NEGR1: variants seen among roughly 807,000 people sequenced by gnomAD.
NEGR1 encodes neuronal growth regulator 1.
In NEGR1, 10 loss-of-function variants were observed where a neutral mutation model predicts 40.9. The observed-to-expected ratio is 0.24, with a 90% CI of 0.15 to 0.42. The LOEUF (loss-of-function observed/expected upper bound fraction) is 0.42, where lower values mean the gene tolerates loss of function less well. NEGR1 is among the 10% of genes least tolerant of loss of function. The pLI is 1.00. For missense variants in NEGR1, 352 were observed against 438.9 expected (o/e 0.80, Z 1.77); for synonymous variants, 185 against 166.8 (o/e 1.11, Z -0.84).
At chr1:71,482,434 G>A (rs1646859936) in intron 6 of NEGR1, among the ~76,000 whole-genome samples, 1 of 151,662 alleles carries the variant, frequency 6.6e-6, no homozygotes, top group South Asian at 2.1e-4. Context: ...TGTTTACCCG[G>A]CTCACAAAAT....
At chr1:72,257,992 C>T (rs1352452519) in intron 1 of NEGR1, among the ~76,000 whole-genome samples, 1 of 151,952 alleles carries the variant, frequency 6.6e-6, no homozygotes, top group Non-Finnish European at 1.5e-5. Flanking sequence ...GTGAAGTGTC[C>T]TAAGTTGAGG....
In NEGR1 at chr1:71,883,740, G is replaced by A. The variant is rs367704286; in HGVS notation, c.409+51339C>T. Among the ~76,000 whole-genome samples the A allele has an allele frequency of 8.8e-3, 821 of 93,566 alleles. 12 individuals are homozygous for A. The highest frequency in any genetic ancestry group is 0.034 in the African/African-American group (762 of 22,686). 61.4% of individuals were successfully genotyped at this position (93,566 alleles called of 152,430 possible). On this transcript the variant is annotated intron_variant, in intron 2 of 6. Transcript: ENST00000357731. ...TCCCTCCCCCCTCCCCCCACCCCAC[G>A]ACAGGCCCTGGTGTGTGATGTTCCC... is the stretch of plus-strand genomic sequence containing the variant.
intron 6 of NEGR1, among the ~76,000 whole-genome samples, chr1:71,493,151 T>C (rs919185407): frequency 1.3e-5 from 2 of 152,158 alleles, no homozygotes; most frequent in Non-Finnish European, 2.9e-5. Context: ...TACTCCAAAA[T>C]TGGATCACTT....
At chr1:71,824,408 C>A (rs903381439) in intron 2 of NEGR1, among the ~76,000 whole-genome samples, 2 of 150,874 alleles carry the variant, frequency 1.3e-5, no homozygotes, top group African/African-American at 4.9e-5. Flanking sequence ...AATCAGAAGA[C>A]CTGGATTCTT....
intron 4 of NEGR1, among the ~76,000 whole-genome samples, chr1:71,615,293 A>AC (rs1650413283): frequency 6.6e-6 from 1 of 152,002 alleles, no homozygotes; most frequent in Non-Finnish European, 1.5e-5. Flanking sequence ...TTAATGAAAA[A>AC]AAAAATATTC....
chr1:71,507,516 A>G (rs1272293397), intron 6 of NEGR1, among the ~76,000 whole-genome samples: 1 of 152,210 alleles, frequency 6.6e-6, no homozygotes, highest in Non-Finnish European at 1.5e-5. Context: ...AACTTGTCAA[A>G]GGATAAACAA....
chr1:71,510,664 T>C (rs1647066722), intron 6 of NEGR1, among the ~76,000 whole-genome samples: 1 of 152,176 alleles, frequency 6.6e-6, no homozygotes, highest in Non-Finnish European at 1.5e-5. Flanking sequence ...AGGAAGATTG[T>C]AACCACATAG....
intron 1 of NEGR1, among the ~76,000 whole-genome samples, chr1:72,008,598 C>T (rs1646629590): frequency 6.6e-6 from 1 of 152,046 alleles, no homozygotes; most frequent in Admixed American, 6.6e-5. Flanking sequence ...ATTGTTCATA[C>T]ATTTTAAATA....
intron 2 of NEGR1, among the ~76,000 whole-genome samples, chr1:71,928,426 A>G (rs1018427860): frequency 1.2e-5 from 1 of 86,272 alleles, no homozygotes; most frequent in African/African-American, 4.5e-5. Context: ...ATACACACAT[A>G]TGTATATATA....
intron 3 of NEGR1, among the ~76,000 whole-genome samples, chr1:71,767,420 T>G (rs555498000): frequency 6.6e-6 from 1 of 152,112 alleles, no homozygotes; most frequent in Non-Finnish European, 1.5e-5. Flanking sequence ...AACTTGAGAA[T>G]GATGATTTAG....
chr1:72,030,601 C>A (rs1646849426), intron 1 of NEGR1, among the ~76,000 whole-genome samples: 1 of 152,030 alleles, frequency 6.6e-6, no homozygotes, highest in East Asian at 1.9e-4. Flanking sequence ...ACAAAGCAAG[C>A]AGGCCTTTCT....
intron 6 of NEGR1, among the ~76,000 whole-genome samples, chr1:71,473,864 T>C (rs114007747): frequency 0.011 from 1,730 of 152,154 alleles, 30 homozygotes; most frequent in African/African-American, 0.04. Flanking sequence ...TACTATTCTG[T>C]GTGTCAGAAA....
intron 2 of NEGR1, among the ~76,000 whole-genome samples, chr1:71,783,987 A>G (rs1301100642): frequency 6.6e-6 from 1 of 152,112 alleles, no homozygotes; most frequent in African/African-American, 2.4e-5. Flanking sequence ...CTAATCCTAC[A>G]AAGACTTATT....
At chr1:72,048,926 T>C (rs931335007) in intron 1 of NEGR1, among the ~76,000 whole-genome samples, 2 of 151,622 alleles carry the variant, frequency 1.3e-5, no homozygotes, top group Non-Finnish European at 3.0e-5. Flanking sequence ...TTTTCTATTC[T>C]AATGAAGGAT....
rs1245433262 is a variant in NEGR1 at position 72,022,296 on chromosome 1, TATATAC to T, written c.177-86991_177-86986del. Among the ~76,000 whole-genome samples, 15 of 120,148 alleles carry T rather than the reference TATATAC, an allele frequency of 1.2e-4. No homozygotes were observed. The South Asian group carries it at 2.5e-3, about 20-fold the overall frequency. The allele number at this position is 120,148 out of a possible 152,430, so 78.8% of individuals were successfully genotyped here. A position where few individuals can be genotyped will look rare whatever the true frequency, so the allele number is the denominator to read the frequency against. ...ATATATATATATATATATATATATA[TATATAC>T]ACGAATATCCTAAAGCAAACAATCC... On this transcript the variant is annotated intron_variant, in intron 1 of 6. Transcript: ENST00000357731.
intron 4 of NEGR1, among the ~76,000 whole-genome samples, chr1:71,621,128 G>A (rs967690186): frequency 2.0e-5 from 3 of 151,820 alleles, no homozygotes; most frequent in Non-Finnish European, 2.9e-5. Flanking sequence ...AAAGAAAAAT[G>A]AATTTTTAAA....
intron 1 of NEGR1, among the ~76,000 whole-genome samples, chr1:72,276,821 G>A (rs531418311): frequency 2.6e-4 from 40 of 152,162 alleles, no homozygotes; most frequent in East Asian, 7.8e-4. Flanking sequence ...CACTTAAACC[G>A]TTTTGGATAT....
At chr1:72,106,815 C>T (rs1339589342) in intron 1 of NEGR1, among the ~76,000 whole-genome samples, 1 of 151,870 alleles carries the variant, frequency 6.6e-6, no homozygotes, top group African/African-American at 2.4e-5. Flanking sequence ...GAAGTACCAT[C>T]AAAATTTTCA....
At chr1:71,811,716 C>T (rs967273717) in intron 2 of NEGR1, among the ~76,000 whole-genome samples, 1 of 151,050 alleles carries the variant, frequency 6.6e-6, no homozygotes, top group East Asian at 2.0e-4. Context: ...TTTATTATTT[C>T]TTCTCAGCCT....
Sources: gnomAD v4.1 joint callset for allele counts (sites outside exome capture counted in the v4.1 genomes callset) on GRCh38, gnomAD v4.1.1 for gene constraint, MANE v1.5 for transcripts, NCBI Gene and HGNC (gene_info 2026-07-23, HGNC 2026-07-21) for gene names.